EYS: variants seen among roughly 807,000 people sequenced by gnomAD.
The protein encoded by EYS is EGF-like photoreceptor maintenance factor.
A neutral mutation model predicts 282.1 loss-of-function variants in EYS; 250 were observed. That is an observed-to-expected ratio of 0.89 (90% CI 0.80 to 0.98). The LOEUF is 0.98. EYS is among the 50% of genes least tolerant of loss of function. The pLI is 0.00. For synonymous variants in EYS, 1,355 were observed against 1,282.9 expected, an observed-to-expected ratio of 1.06 and a Z score of -1.20; for missense variants, 4,016 against 3,709.0, an observed-to-expected ratio of 1.08 and a Z score of -2.15.
chr6:65,612,053 G>T (rs1766020453), intron 2 of EYS, among the ~76,000 whole-genome samples: 1 of 151,484 alleles, frequency 6.6e-6, no homozygotes, highest in Non-Finnish European at 1.5e-5. Context: ...AATTTCACTA[G>T]CAAAGTCCAA....
rs1394283056 is a variant in EYS at position 65,001,147 on chromosome 6, A to T, written c.2138-3444T>A. Among the ~76,000 whole-genome samples, 3 of 119,074 alleles carry T rather than the reference A, an allele frequency of 2.5e-5. 1 individual carries two copies. Among genetic ancestry groups the T allele is most frequent in the East Asian group, 6.7e-4 (2 of 2,996 alleles). 78.1% of individuals were successfully genotyped at this position (119,074 alleles called of 152,430 possible). On this transcript the variant is annotated intron_variant, in intron 13 of 42. Coordinates refer to ENST00000503581, the MANE Select transcript of EYS (RefSeq NM_001142800.2). ...TGTCCGCAGATGGCTTTAAGGGTTAACCAGCTGAATGGACCCTCTGCCTTT... is the reference window on the plus strand; with the variant it reads ...TGTCCGCAGATGGCTTTAAGGGTTATCCAGCTGAATGGACCCTCTGCCTTT...
intron 13 of EYS, among the ~76,000 whole-genome samples, chr6:65,008,443 G>GC (rs1353710775): frequency 6.8e-6 from 1 of 146,150 alleles, no homozygotes; most frequent in African/African-American, 2.7e-5. Context: ...GGAGGAGCAG[G>GC]TGGAACAGGA....
chr6:63,761,919 G>C (rs147961772), intron 41 of EYS, among the ~76,000 whole-genome samples: 1 of 152,004 alleles, frequency 6.6e-6, no homozygotes, highest in South Asian at 2.1e-4. Flanking sequence ...TTATCCCTTA[G>C]CCACAGCCCA....
chr6:64,125,154 G>GCGCTCTCTCTCTCTCTCTC (rs1773724746), intron 31 of EYS, among the ~76,000 whole-genome samples: 1 of 145,264 alleles, frequency 6.9e-6, no homozygotes, highest in African/African-American at 2.6e-5. Context: ...CACACTCTCT[G>GCGCTCTCTCTCTCTCTCTC]TCTCTCTCTC....
intron 22 of EYS, among the ~76,000 whole-genome samples, chr6:64,807,031 A>T (rs1764451088): frequency 6.6e-6 from 1 of 152,112 alleles, no homozygotes; most frequent in Admixed American, 6.6e-5. Context: ...AGGTTAATAA[A>T]ACTTACATGC....
At chr6:65,164,987 A>C (rs1309985840) in intron 12 of EYS, among the ~76,000 whole-genome samples, 1 of 151,304 alleles carries the variant, frequency 6.6e-6, no homozygotes, top group Admixed American at 6.6e-5. Context: ...TTGTGCTTCC[A>C]AATAAGGCCA....
chr6:64,196,011 A>G (rs1271853768), intron 31 of EYS, among the ~76,000 whole-genome samples: 1 of 152,212 alleles, frequency 6.6e-6, no homozygotes, highest in Non-Finnish European at 1.5e-5. Context: ...AAGGGCTAAT[A>G]TCCAGAATCT....
intron 29 of EYS, among the ~76,000 whole-genome samples, chr6:64,384,751 C>T (rs1772856522): frequency 6.6e-6 from 1 of 152,160 alleles, no homozygotes; most frequent in Admixed American, 6.6e-5. Flanking sequence ...AAGTTATCAT[C>T]ATTTATGGTC....
chr6:63,734,103 GAC>G (rs1768849268), intron 41 of EYS, among the ~76,000 whole-genome samples: 1 of 152,114 alleles, frequency 6.6e-6, no homozygotes, highest in Non-Finnish European at 1.5e-5. Context: ...GGGAACAATT[GAC>G]ACTGGGAACT....
At chr6:64,795,553 T>C (rs1201769287) in intron 22 of EYS, among the ~76,000 whole-genome samples, 1 of 152,232 alleles carries the variant, frequency 6.6e-6, no homozygotes, top group East Asian at 1.9e-4. Context: ...GACCAAAGTC[T>C]TGAACTTCTT....
chr6:64,432,571 T>C (rs962299623), intron 28 of EYS, among the ~76,000 whole-genome samples: 11 of 151,008 alleles, frequency 7.3e-5, no homozygotes, highest in African/African-American at 2.7e-4. Context: ...GTGTAATATA[T>C]GCAATGATTA....
At chr6:65,216,954 C>T (rs960797083) in intron 12 of EYS, among the ~76,000 whole-genome samples, 5 of 151,966 alleles carry the variant, frequency 3.3e-5, no homozygotes, top group Non-Finnish European at 7.4e-5. Context: ...AATAAGCCCA[C>T]ATTTAAATGA....
At chr6:65,184,293 A>C (rs2150235511) in intron 12 of EYS, among the ~76,000 whole-genome samples, 1 of 152,026 alleles carries the variant, frequency 6.6e-6, no homozygotes, top group African/African-American at 2.4e-5. Context: ...GCTATGCCAT[A>C]ACATGGCAGA....
chr6:65,601,636 T>C (rs1765620703), intron 2 of EYS, among the ~76,000 whole-genome samples: 1 of 151,962 alleles, frequency 6.6e-6, no homozygotes, highest in Non-Finnish European at 1.5e-5. Flanking sequence ...GATGGAATAA[T>C]AGCTCAAAAT....
intron 31 of EYS, among the ~76,000 whole-genome samples, chr6:64,129,445 T>C (rs180777277): frequency 1.3e-5 from 2 of 152,342 alleles, no homozygotes; most frequent in East Asian, 3.9e-4. Flanking sequence ...GTCTTGTCTG[T>C]TCATATCCTT....
intron 10 of EYS, among the ~76,000 whole-genome samples, chr6:65,341,029 A>G (rs911297127): frequency 6.0e-5 from 9 of 151,050 alleles, no homozygotes; most frequent in African/African-American, 2.2e-4. Context: ...AGAATAAAAA[A>G]AATTCGAATA....
intron 31 of EYS, among the ~76,000 whole-genome samples, chr6:64,193,849 C>T (rs962677264): frequency 5.3e-5 from 8 of 152,084 alleles, no homozygotes; most frequent in East Asian, 3.9e-4. Context: ...TTTATGGCTG[C>T]GTAGTATTCC....
intron 35 of EYS, among the ~76,000 whole-genome samples, chr6:63,880,643 G>A (rs890669413): frequency 6.6e-6 from 1 of 152,092 alleles, no homozygotes; most frequent in Non-Finnish European, 1.5e-5. Flanking sequence ...CCTGAAGAAG[G>A]AACTACTGAT....
intron 33 of EYS, among the ~76,000 whole-genome samples, chr6:64,061,012 A>T (rs767611743): frequency 1.3e-5 from 2 of 152,162 alleles, no homozygotes; most frequent in Non-Finnish European, 2.9e-5. Context: ...TGGCTACCCT[A>T]AGAGTTTGCT....
Sources: allele counts gnomAD v4.1 joint callset (sites outside exome capture counted in the v4.1 genomes callset), GRCh38; gene constraint gnomAD v4.1.1; transcripts MANE v1.5; gene names NCBI Gene and HGNC (gene_info 2026-07-23, HGNC 2026-07-21).